Variants in MYRFL observed in about 807,000 individuals in gnomAD.
The protein encoded by MYRFL is myelin regulatory factor like.
A neutral mutation model predicts 109.4 loss-of-function variants in MYRFL; 88 were observed. The ratio of observed to expected loss-of-function variants is 0.80; its 90% CI spans 0.68 to 0.96. The LOEUF (loss-of-function observed/expected upper bound fraction) is 0.96. Among genes scored for constraint, MYRFL ranks in the 40% least tolerant of loss-of-function variants. The pLI, the probability that MYRFL is intolerant of heterozygous loss-of-function variation, is 0.00. For synonymous variants in MYRFL, 324 were observed against 320.9 expected (o/e 1.01, Z -0.10); for missense variants, 957 against 954.9 (o/e 1.00, Z -0.03).
At chr12:69,952,670 A>G (rs1375510023) in intron 20 of MYRFL, 129 bp from the exon 21 acceptor site, 4 of 632,886 alleles carry the variant, frequency 6.3e-6, no homozygotes, top group Non-Finnish European at 1.0e-5. Context: ...CCATTTGAAT[A>G]CAAATGGAAT....
chr12:69,903,391 G>T (rs1954251202), intron 10 of MYRFL, among the ~76,000 whole-genome samples: 2 of 152,092 alleles, frequency 1.3e-5, no homozygotes, highest in Admixed American at 6.6e-5. Context: ...CCAGATAGAT[G>T]CAATAGAGAT....
At chr12:69,842,553 G>A (rs1356766401) in intron 1 of MYRFL, among the ~76,000 whole-genome samples, 1 of 152,192 alleles carries the variant, frequency 6.6e-6, no homozygotes, top group East Asian at 1.9e-4. Flanking sequence ...TAATTGCTAT[G>A]GTGATTGAAA....
At chr12:69,952,938 C>A in intron 21 of MYRFL, 52 bp downstream of exon 21, 1 of 1,325,028 alleles carries the variant, frequency 7.5e-7, no homozygotes, top group Non-Finnish European at 1.0e-6. Context: ...TTACCCATGG[C>A]TCTGGGTTTT....
chr12:69,891,238 CAA>C (rs1327318915), intron 7 of MYRFL, 72 bp downstream of exon 7: 15 of 1,102,400 alleles, frequency 1.4e-5, no homozygotes, highest in African/African-American at 1.6e-5. Context: ...TGCTGCATGA[CAA>C]ACTATCCCAA....
intron 1 of MYRFL, among the ~76,000 whole-genome samples, chr12:69,852,635 AG>A (rs1883950422): frequency 7.9e-6 from 1 of 126,656 alleles, no homozygotes; most frequent in South Asian, 2.5e-4. Context: ...TTTCTCACAG[AG>A]GGGGATTTGG....
At position 69,900,843 on chromosome 12, in the gene MYRFL, T is replaced by C. The variant is rs535435131; in HGVS notation, c.1183-2801T>C. On this transcript the variant is annotated intron_variant, in intron 10 of 24. Transcript: ENST00000552032. ...TACATTGTATTTTTTATGAAAGGCG[T>C]CCCCCTGGAATTGTGCAACTCTGCA... 3.5e-4 allele frequency among the ~76,000 whole-genome samples: 53 copies of C among 152,200 alleles called. 1 individual carries two copies. In the South Asian group the frequency reaches 0.011, roughly 30 times the overall value.
chr12:69,887,091 GTGTC>G, intron 6 of MYRFL, 121 bp downstream of exon 6: 1 of 1,059,124 alleles, frequency 9.4e-7, no homozygotes, highest in Non-Finnish European at 1.3e-6. Context: ...CAGTGAGAAA[GTGTC>G]TGTCTTACTC....
chr12:69,837,573 G>GT lies in MYRFL; in HGVS notation c.46+12011dup, dbSNP rs1883023232. On this transcript the variant is annotated intron_variant, in intron 1 of 24. Coordinates refer to ENST00000552032, the MANE Select transcript of MYRFL (RefSeq NM_182530.3). ...CATCTGCAAGCCACTCTGTAAGGTG[G>GT]TAAAACCCATCTCCTTCATCCAGAT... Among the ~76,000 whole-genome samples the GT allele has an allele frequency of 1.3e-5, 2 of 152,176 alleles. 1 individual carries two copies. Among genetic ancestry groups the GT allele is most frequent in the South Asian group, 4.1e-4 (2 of 4,820 alleles).
Position 69,957,889 on chromosome 12 carries a change from A to G in MYRFL, c.2518A>G (p.Arg840Gly). Residue 840 changes from arginine (R) to glycine (G), a missense_variant, in exon 23 of 25, where the codon AGG becomes GGG. Physicochemically the swap from Arg to Gly is moderately radical, Grantham distance 125. Coordinates refer to ENST00000552032, the MANE Select transcript of MYRFL (RefSeq NM_182530.3). ...TLGNICFHSK[R>G]GTKGLESHRE... ...TGGAAATATATGTTTCCATAGTAAA[A>G]GGGGAACCAAAGGGCTGGAAAGCCA... is the stretch of plus-strand genomic sequence containing the variant. The G allele has an allele frequency of 6.5e-7, 1 of 1,534,870 alleles. No homozygotes were observed. The highest frequency in any genetic ancestry group is 8.7e-7 in the Non-Finnish European group (1 of 1,146,000).
Position 69,957,856 on chromosome 12 carries a change from T to C in MYRFL, c.2485T>C (p.Phe829Leu). 1.3e-6 allele frequency: 2 copies of C among 1,534,536 alleles called. No homozygotes were observed. The highest frequency in any genetic ancestry group is 1.2e-5 in the South Asian group (1 of 83,862). The change falls in exon 23 of 25, where the codon TTC becomes CTC. Residue 829 changes from phenylalanine (F) to leucine (L), a missense_variant. By Grantham distance (22) the Phe-to-Leu change is conservative. Coordinates refer to ENST00000552032, the MANE Select transcript of MYRFL (RefSeq NM_182530.3). ...TEPLIVFQCKFTLGNICFHSK... is the reference protein window; with the variant it reads ...TEPLIVFQCKLTLGNICFHSK... ...GCCATTGATAGTCTTCCAGTGCAAA[T>C]TCACCCTTGGAAATATATGTTTCCA...
intron 19 of MYRFL, among the ~76,000 whole-genome samples, chr12:69,939,567 G>C (rs1394342702): frequency 6.6e-6 from 1 of 152,016 alleles, no homozygotes; most frequent in African/African-American, 2.4e-5. Flanking sequence ...AAGACCAAAA[G>C]TAGAAAAAAA....
rs770320216 is a variant in MYRFL, at chr12:69,886,816, G to A, written c.557-4G>A. On this transcript the variant is annotated splice_region_variant and splice_polypyrimidine_tract_variant and intron_variant, in intron 5 of 24. Transcript: ENST00000552032. ...AAGGCTCTGACGCACCTGTTTCTTTGCAGTGACAAGTAGGAGTCGCAGCAG... is the reference window on the plus strand; with the variant it reads ...AAGGCTCTGACGCACCTGTTTCTTTACAGTGACAAGTAGGAGTCGCAGCAG... 7 of 1,535,756 alleles carry A rather than the reference G, an allele frequency of 4.6e-6. No homozygotes were observed. In the South Asian group the frequency reaches 8.3e-5, roughly 18 times the overall value.
At chr12:69,936,753 G>A (rs1955484132) in intron 19 of MYRFL, 121 bp downstream of exon 19, 1 of 890,254 alleles carries the variant, frequency 1.1e-6, no homozygotes, top group Non-Finnish European at 1.6e-6. Flanking sequence ...TATTTGGGGT[G>A]GCAAAATCTT....
At chr12:69,934,831 T>C (rs1211193659) in intron 16 of MYRFL, among the ~76,000 whole-genome samples, 4 of 152,092 alleles carry the variant, frequency 2.6e-5, no homozygotes, top group African/African-American at 4.8e-5. Flanking sequence ...ATAGGTAGTA[T>C]TGGAAAAGGC....
chr12:69,840,622 A>G (rs963680613), intron 1 of MYRFL, among the ~76,000 whole-genome samples: 1 of 152,222 alleles, frequency 6.6e-6, no homozygotes, highest in African/African-American at 2.4e-5. Context: ...ATAATTTTGA[A>G]TGAATAAGTT....
intron 2 of MYRFL, among the ~76,000 whole-genome samples, chr12:69,860,686 A>G (rs910753632): frequency 6.6e-6 from 1 of 151,626 alleles, no homozygotes; most frequent in South Asian, 2.1e-4. Flanking sequence ...TTAGTATTCC[A>G]TCTTAATATA....
At chr12:69,934,506 A>G (rs1332681208) in intron 16 of MYRFL, among the ~76,000 whole-genome samples, 1 of 152,212 alleles carries the variant, frequency 6.6e-6, no homozygotes, top group Non-Finnish European at 1.5e-5. Flanking sequence ...GGTGAAGGCA[A>G]AGGGCCAATG....
intron 13 of MYRFL, among the ~76,000 whole-genome samples, chr12:69,920,458 G>A (rs778440129): frequency 3.3e-5 from 5 of 152,092 alleles, no homozygotes; most frequent in South Asian, 2.1e-4. Context: ...TCAGTGCCTC[G>A]TGCCATGAAC....
intron 1 of MYRFL, among the ~76,000 whole-genome samples, chr12:69,832,211 AAT>A (rs1423723637): frequency 6.6e-6 from 1 of 152,102 alleles, no homozygotes; most frequent in African/African-American, 2.4e-5. Flanking sequence ...TTTTTTGAGC[AAT>A]GTTATATGCC....
Sources: gnomAD v4.1 joint callset for allele counts (sites outside exome capture counted in the v4.1 genomes callset) on GRCh38, gnomAD v4.1.1 for gene constraint, MANE v1.5 for transcripts, NCBI Gene and HGNC (gene_info 2026-07-23, HGNC 2026-07-21) for gene names.